SLC16A7: variants seen among roughly 807,000 people sequenced by gnomAD.
SLC16A7 encodes monocarboxylate transporter 2.
Under a neutral mutation model 34.9 loss-of-function variants are expected in SLC16A7, and 33 were observed. The observed-to-expected ratio is 0.94, with a 90% CI of 0.72 to 1.26. SLC16A7 has a LOEUF of 1.26. Among genes scored for constraint, SLC16A7 ranks in the 50% most tolerant of loss-of-function variants. The pLI is 0.00. For missense variants in SLC16A7, 573 were observed against 578.1 expected (o/e 0.99, Z 0.09); for synonymous variants, 201 against 206.6 (o/e 0.97, Z 0.23).
chr12:59,635,359 T>C (rs1303120764), intron 1 of SLC16A7, among the ~76,000 whole-genome samples: 1 of 152,052 alleles, frequency 6.6e-6, no homozygotes, highest in East Asian at 1.9e-4. Context: ...CAATTCTCTT[T>C]CCATTGGAAA....
chr12:59,719,945 C>A, intron 3 of SLC16A7: 1 of 590,080 alleles, frequency 1.7e-6, no homozygotes, highest in South Asian at 2.2e-5. Context: ...CTATTATAAA[C>A]ATGCTAATCT....
intron 3 of SLC16A7, among the ~76,000 whole-genome samples, chr12:59,714,736 T>C (rs963968582): frequency 4.6e-5 from 7 of 152,120 alleles, no homozygotes; most frequent in Non-Finnish European, 1.0e-4. Context: ...AGCAAATTTT[T>C]GTATTTTTAG....
chr12:59,613,500 C>T (rs902365900), intron 1 of SLC16A7, among the ~76,000 whole-genome samples: 1 of 152,162 alleles, frequency 6.6e-6, no homozygotes, highest in African/African-American at 2.4e-5. Flanking sequence ...ATTCAGTGTA[C>T]AGCAAAGTTT....
intron 2 of SLC16A7, among the ~76,000 whole-genome samples, chr12:59,699,762 T>G (rs2137122715): frequency 6.6e-6 from 1 of 151,924 alleles, no homozygotes; most frequent in Non-Finnish European, 1.5e-5. Context: ...AATTTGTGAT[T>G]CACAGCACTT....
intron 1 of SLC16A7, among the ~76,000 whole-genome samples, chr12:59,652,326 C>A (rs1868355986): frequency 6.6e-6 from 1 of 151,810 alleles, no homozygotes; most frequent in East Asian, 1.9e-4. Flanking sequence ...TGAATGAGCA[C>A]CTTTGCAAAA....
In SLC16A7 at chr12:59,662,318, G is replaced by A. The variant is rs1868896936; in HGVS notation, c.-31+7068G>A. 1.3e-5 allele frequency among the ~76,000 whole-genome samples: 2 copies of A among 152,018 alleles called. 1 individual carries two copies. The highest frequency in any genetic ancestry group is 1.3e-4 in the Admixed American group (2 of 15,220). On this transcript the variant is annotated intron_variant, in intron 2 of 5. Coordinates refer to ENST00000547379, the MANE Select transcript of SLC16A7 (RefSeq NM_001270623.2). Reference sequence around the variant, plus strand: ...ATATTATAAATAAATCTGTTGCCAAGAACTTATTGTCATGTTTTAAACACA... The same window carrying A: ...ATATTATAAATAAATCTGTTGCCAAAAACTTATTGTCATGTTTTAAACACA...
chr12:59,701,988 C>T (rs1159421121), intron 2 of SLC16A7, among the ~76,000 whole-genome samples: 1 of 151,724 alleles, frequency 6.6e-6, no homozygotes, highest in Non-Finnish European at 1.5e-5. Flanking sequence ...GGACTTTAAG[C>T]CCCATAACTG....
intron 3 of SLC16A7, among the ~76,000 whole-genome samples, chr12:59,736,176 A>C (rs1877569283): frequency 2.0e-5 from 3 of 152,208 alleles, no homozygotes; most frequent in Admixed American, 1.3e-4. Context: ...GCTGAGTTTG[A>C]GCTGGATCTT....
intron 1 of SLC16A7, among the ~76,000 whole-genome samples, chr12:59,623,592 G>A (rs191096036): frequency 4.2e-4 from 63 of 151,698 alleles, no homozygotes; most frequent in Admixed American, 2.0e-3. Context: ...GTGGCTAAAT[G>A]CAATTTATTT....
intron 2 of SLC16A7, among the ~76,000 whole-genome samples, chr12:59,692,325 T>C (rs2137100021): frequency 6.6e-6 from 1 of 152,120 alleles, no homozygotes; most frequent in Non-Finnish European, 1.5e-5. Flanking sequence ...TACACTCTTT[T>C]GCCATATAAG....
intron 3 of SLC16A7, among the ~76,000 whole-genome samples, chr12:59,746,441 T>A (rs1322133879): frequency 6.6e-6 from 1 of 152,224 alleles, no homozygotes; most frequent in African/African-American, 2.4e-5. Flanking sequence ...GTTTGTCTTG[T>A]CCTACAATCA....
chr12:59,737,884 G>A (rs1256596062), intron 3 of SLC16A7, among the ~76,000 whole-genome samples: 1 of 152,150 alleles, frequency 6.6e-6, no homozygotes, highest in Non-Finnish European at 1.5e-5. Context: ...ATATCAGCTT[G>A]CGCCTGTAGG....
intron 4 of SLC16A7, 53 bp from the exon 5 acceptor site, chr12:59,774,604 T>A: frequency 8.8e-7 from 1 of 1,131,986 alleles, no homozygotes; most frequent in African/African-American, 1.6e-5. Flanking sequence ...ATTTCTTTTG[T>A]GAGTGCCATA....
At chr12:59,721,413 A>G (rs1875574493) in intron 3 of SLC16A7, among the ~76,000 whole-genome samples, 1 of 151,884 alleles carries the variant, frequency 6.6e-6, no homozygotes, top group South Asian at 2.1e-4. Context: ...TCAACTATTA[A>G]TGGGTATTAC....
intron 1 of SLC16A7, among the ~76,000 whole-genome samples, chr12:59,613,283 CATG>C (rs1879286312): frequency 6.6e-6 from 1 of 152,202 alleles, no homozygotes; most frequent in Non-Finnish European, 1.5e-5. Context: ...CACTCACTAT[CATG>C]AGAAAAGCAT....
At chr12:59,647,320 G>A (rs1407246081) in intron 1 of SLC16A7, among the ~76,000 whole-genome samples, 55 of 152,080 alleles carry the variant, frequency 3.6e-4, no homozygotes, top group Non-Finnish European at 1.0e-4. Context: ...TGCTGTTCCT[G>A]TGATAGTAAG....
chr12:59,735,315 C>A (rs2711668), intron 3 of SLC16A7, among the ~76,000 whole-genome samples: 65,967 of 151,966 alleles, frequency 0.43, 16,390 homozygotes, highest in African/African-American at 0.69. Flanking sequence ...GAATCATTTT[C>A]ATGTGCTCTG....
chr12:59,746,639 G>A (rs937130768), intron 3 of SLC16A7, among the ~76,000 whole-genome samples: 1 of 152,182 alleles, frequency 6.6e-6, no homozygotes, highest in African/African-American at 2.4e-5. Context: ...TTCAAGCTAT[G>A]TTAGCATTCC....
chr12:59,631,565 G>C (rs1880184915), intron 1 of SLC16A7, among the ~76,000 whole-genome samples: 1 of 151,936 alleles, frequency 6.6e-6, no homozygotes, highest in Non-Finnish European at 1.5e-5. Flanking sequence ...TAAGTTCCAG[G>C]GTACATGTGC....
Sources: gnomAD v4.1 joint callset for allele counts (sites outside exome capture counted in the v4.1 genomes callset) on GRCh38, gnomAD v4.1.1 for gene constraint, MANE v1.5 for transcripts, NCBI Gene and HGNC (gene_info 2026-07-23, HGNC 2026-07-21) for gene names.